Variants in ELP3 observed in about 807,000 individuals in gnomAD.
ELP3 encodes the protein elongator complex protein 3.
Under a neutral mutation model 74.9 loss-of-function variants are expected in ELP3, and 56 were observed. The ratio of observed to expected loss-of-function variants is 0.75; its 90% confidence interval spans 0.60 to 0.93. ELP3 has a LOEUF of 0.93. Ranked by LOEUF, ELP3 falls within the 40% of genes least tolerant of loss-of-function variation. ELP3 has a pLI of 0.00. For synonymous variants in ELP3, 222 were observed against 239.8 expected, an observed-to-expected ratio of 0.93 and a Z score of 0.68; for missense variants, 573 against 686.5, an observed-to-expected ratio of 0.83 and a Z score of 1.85.
intron 14 of ELP3, among the ~76,000 whole-genome samples, chr8:28,171,388 A>G (rs982081857): frequency 6.6e-6 from 1 of 152,032 alleles, no homozygotes; most frequent in African/African-American, 2.4e-5. Context: ...GTGGTATAAA[A>G]TGGCATTCTG....
At chr8:28,187,552 A>G (rs1350681604) in intron 14 of ELP3, among the ~76,000 whole-genome samples, 2 of 152,152 alleles carry the variant, frequency 1.3e-5, no homozygotes, top group African/African-American at 4.8e-5. Context: ...TTGTTCCTTG[A>G]GTAAGTTGAG....
chr8:28,120,702 T>C (rs1812333292), intron 7 of ELP3, among the ~76,000 whole-genome samples: 1 of 152,222 alleles, frequency 6.6e-6, no homozygotes, highest in South Asian at 2.1e-4. Flanking sequence ...TTATGTTCCA[T>C]CTTGAATTAA....
chr8:28,096,429 A>G lies in ELP3; in HGVS notation c.20-790A>G, dbSNP rs1343321409. ...GTTGGGAACCACTGCTCTACAGGTG[A>G]GAAGCTTGCTTGCTGACAGCTTCCA... On this transcript the variant is annotated intron_variant, in intron 1 of 14. Coordinates refer to ENST00000256398, the MANE Select transcript of ELP3 (RefSeq NM_018091.6). Among the ~76,000 whole-genome samples, 3 of 152,240 alleles carry G rather than the reference A, an allele frequency of 2.0e-5. No individual in the cohort carries two copies. The East Asian group carries it at 5.8e-4, about 29-fold the overall frequency.
At chr8:28,151,564 C>T (rs922737182) in intron 10 of ELP3, among the ~76,000 whole-genome samples, 1 of 152,142 alleles carries the variant, frequency 6.6e-6, no homozygotes, top group Non-Finnish European at 1.5e-5. Context: ...CTTATAGTAA[C>T]CCGATGGTAA....
chr8:28,106,079 CAG>C (rs1170140626), intron 3 of ELP3, among the ~76,000 whole-genome samples: 1 of 152,138 alleles, frequency 6.6e-6, no homozygotes, highest in African/African-American at 2.4e-5. Flanking sequence ...CTAAGACAAT[CAG>C]AGAGAGAAAG....
intron 3 of ELP3, among the ~76,000 whole-genome samples, chr8:28,102,674 CCA>C (rs1457395999): frequency 7.2e-5 from 11 of 152,294 alleles, no homozygotes; most frequent in Admixed American, 5.9e-4. Context: ...CACCCCTACC[CCA>C]GTTTCCCTAT....
intron 9 of ELP3, 109 bp downstream of exon 9, chr8:28,132,513 A>T: frequency 7.3e-7 from 1 of 1,373,560 alleles, no homozygotes; most frequent in Non-Finnish European, 1.0e-6. Flanking sequence ...AAAGAAATGC[A>T]TCCTTATTAT....
chr8:28,092,960 G>A, upstream of ELP3: 1 of 633,448 alleles, frequency 1.6e-6, no homozygotes, highest in Non-Finnish European at 2.8e-6. Context: ...ACTCCGTTCA[G>A]ACGTTCCCAT....
chr8:28,156,684 G>A (rs1217987591), intron 11 of ELP3, among the ~76,000 whole-genome samples: 1 of 152,176 alleles, frequency 6.6e-6, no homozygotes, highest in Non-Finnish European at 1.5e-5. Context: ...TGCCTTCATA[G>A]ATTCTGGATC....
chr8:28,139,352 G>A (rs1813128696), intron 10 of ELP3, among the ~76,000 whole-genome samples: 1 of 152,140 alleles, frequency 6.6e-6, no homozygotes, highest in African/African-American at 2.4e-5. Context: ...GAGAAAATTA[G>A]TGTGAGCACT....
intron 14 of ELP3, among the ~76,000 whole-genome samples, chr8:28,179,768 G>C (rs2126157): frequency 0.91 from 138,854 of 152,180 alleles, 63,830 homozygotes; most frequent in Non-Finnish European, 0.97. Context: ...GTGCTCCTTT[G>C]AGAATCTAAT....
chr8:28,137,712 C>A lies in ELP3; in HGVS notation c.921C>A (p.Asn307Lys), dbSNP rs1485010596. The change falls in exon 10 of 15, where the codon AAC (asparagine) becomes AAA (lysine). Residue 307 changes from asparagine to lysine, a missense_variant. By Grantham distance (94) the Asn-to-Lys change is moderately conservative (BLOSUM62 0). Coordinates refer to ENST00000256398, the MANE Select transcript of ELP3 (RefSeq NM_018091.6). The part of the protein sequence containing the change: ...DIEQFTEFFE[N>K]PAFRPDGLKL... ...TCTATTCACAGGAGTTTTTTGAGAACCCTGCTTTTCGTCCCGATGGGCTGA... is the reference window on the plus strand; with the variant it reads ...TCTATTCACAGGAGTTTTTTGAGAAACCTGCTTTTCGTCCCGATGGGCTGA... The A allele has an allele frequency of 1.2e-6, 2 of 1,612,106 alleles. No homozygotes were observed. The highest frequency in any genetic ancestry group is 2.7e-5 in the African/African-American group (2 of 74,654).
chr8:28,092,251 G>A (rs1811072782), upstream of ELP3, among the ~76,000 whole-genome samples: 1 of 151,078 alleles, frequency 6.6e-6, no homozygotes, highest in African/African-American at 2.4e-5. Context: ...TTGTTGTTGA[G>A]ACAGGGTCTC....
At chr8:28,097,003 A>G (rs1268896353) in intron 1 of ELP3, among the ~76,000 whole-genome samples, 11 of 152,214 alleles carry the variant, frequency 7.2e-5, no homozygotes, top group Admixed American at 6.5e-4. Flanking sequence ...GTGCTTCTAA[A>G]GGGAGCTTTT....
chr8:28,146,085 CT>C (rs1179346439), intron 10 of ELP3, among the ~76,000 whole-genome samples: 3 of 152,000 alleles, frequency 2.0e-5, no homozygotes, highest in South Asian at 2.1e-4. Context: ...TACCCATTAC[CT>C]TTTTTTTAAA....
chr8:28,178,175 C>G (rs1320109725), intron 14 of ELP3, among the ~76,000 whole-genome samples: 4 of 152,190 alleles, frequency 2.6e-5, no homozygotes, highest in African/African-American at 9.7e-5. Context: ...TGAGAAATTT[C>G]TCATAGTTCT....
intron 2 of ELP3, among the ~76,000 whole-genome samples, chr8:28,097,686 G>A (rs1178066112): frequency 6.6e-6 from 1 of 151,994 alleles, no homozygotes; most frequent in African/African-American, 2.4e-5. Context: ...GTGAGTCACC[G>A]CACCCGGCCG....
Position 28,190,414 on chromosome 8 carries a change from T to C in ELP3, c.*689T>C, listed in dbSNP as rs773711422. The C allele has an allele frequency of 3.9e-5, 6 of 152,250 alleles. No homozygotes were observed. Among genetic ancestry groups the C allele is most frequent in the African/African-American group, 1.4e-4 (6 of 41,452 alleles). The allele number at this position is 152,250 out of a possible 1,614,324, so 9.4% of individuals were successfully genotyped here. A position where few individuals can be genotyped will look rare whatever the true frequency, so the allele number is the denominator to read the frequency against. On this transcript the variant is annotated 3_prime_UTR_variant, in exon 15 of 15. Transcript: ENST00000256398. ...TTCATTCCACATTCTTTGTTATCTC[T>C]ACTTCCCACCCTCTTGGCAACTACA...
chr8:28,139,020 C>T (rs1359215074), intron 10 of ELP3, among the ~76,000 whole-genome samples: 4 of 152,082 alleles, frequency 2.6e-5, no homozygotes, highest in Non-Finnish European at 5.9e-5. Flanking sequence ...TGTAGGTATC[C>T]ACATGCAGGA....
Sources: gnomAD v4.1 joint callset for allele counts (sites outside exome capture counted in the v4.1 genomes callset) on GRCh38, gnomAD v4.1.1 for gene constraint, MANE v1.5 for transcripts, NCBI Gene and HGNC (gene_info 2026-07-23, HGNC 2026-07-21) for gene names.